Variants in ARHGEF6 observed in about 807,000 individuals in gnomAD.
ARHGEF6 encodes rho guanine nucleotide exchange factor 6.
In ARHGEF6, 9 loss-of-function variants were observed where a neutral mutation model predicts 70.3. The ratio of observed to expected loss-of-function variants is 0.13; its 90% confidence interval spans 0.08 to 0.22. ARHGEF6 has a LOEUF of 0.22. ARHGEF6 is among the 10% of genes least tolerant of loss of function. ARHGEF6 has a pLI of 1.00. For synonymous variants in ARHGEF6, 201 were observed against 207.8 expected (o/e 0.97, Z 0.28); for missense variants, 470 against 563.0 (o/e 0.83, Z 1.67).
chrX:136,774,447 T>C (rs1274151346), intron 2 of ARHGEF6, among the ~76,000 whole-genome samples: 2 of 109,655 alleles, frequency 1.8e-5, no homozygotes, highest in African/African-American at 6.6e-5. Flanking sequence ...GGTCAGGAGC[T>C]TGAGATCAGC....
intron 2 of ARHGEF6, among the ~76,000 whole-genome samples, chrX:136,752,463 T>C (rs140540298): frequency 2.0e-3 from 220 of 112,406 alleles, no homozygotes; most frequent in African/African-American, 7.0e-3. Flanking sequence ...AAAACATCTG[T>C]GCCACGTGCA....
intron 13 of ARHGEF6, 81 bp downstream of exon 13, chrX:136,682,677 C>T: frequency 2.6e-6 from 2 of 763,745 alleles, no homozygotes; most frequent in Non-Finnish European, 4.1e-6. Context: ...GCTTTTAATG[C>T]CATAGTGGAG....
chrX:136,732,956 C>T (rs1051404946), intron 5 of ARHGEF6, among the ~76,000 whole-genome samples: 2 of 111,194 alleles, frequency 1.8e-5, no homozygotes, highest in Admixed American at 9.6e-5. Flanking sequence ...ATGCCAACAA[C>T]AAAATGATCA....
chrX:136,720,359 A>G (rs567866428), intron 6 of ARHGEF6, among the ~76,000 whole-genome samples: 170 of 112,112 alleles, frequency 1.5e-3, no homozygotes, highest in Non-Finnish European at 2.6e-3. Context: ...GTAATCTATC[A>G]CATCAACAGG....
intron 2 of ARHGEF6, among the ~76,000 whole-genome samples, chrX:136,766,156 G>A (rs768341028): frequency 8.9e-6 from 1 of 112,386 alleles, no homozygotes; most frequent in Admixed American, 9.4e-5. Context: ...ACATTTTGGA[G>A]AGAGGTGCTC....
At chrX:136,723,279 C>A (rs1225230689) in intron 6 of ARHGEF6, among the ~76,000 whole-genome samples, 22 of 112,228 alleles carry the variant, frequency 2.0e-4, no homozygotes, top group Admixed American at 9.4e-5. Flanking sequence ...GAATTGCACA[C>A]TTTAAAATGG....
chrX:136,737,511 T>A (rs2076998669), intron 5 of ARHGEF6: 10 of 726,377 alleles, frequency 1.4e-5, no homozygotes, highest in Non-Finnish European at 1.6e-5. Flanking sequence ...TTTTTCAAAC[T>A]CCTTAAAGAC....
intron 6 of ARHGEF6, among the ~76,000 whole-genome samples, chrX:136,727,323 CTTTTTCTTTCTT>C (rs1212211622): frequency 5.4e-4 from 41 of 75,646 alleles, no homozygotes; most frequent in African/African-American, 2.4e-3. Flanking sequence ...TTCTTTCTTT[CTTTTTCTTTCTT>C]TCTTTCTTTC....
intron 18 of ARHGEF6, among the ~76,000 whole-genome samples, chrX:136,675,560 G>A (rs1240863097): frequency 1.8e-5 from 2 of 109,761 alleles, no homozygotes; most frequent in East Asian, 2.8e-4. Context: ...CTCTTGCCCA[G>A]GCTGGAGTGC....
chrX:136,714,472 T>G (rs1408382201), intron 6 of ARHGEF6, among the ~76,000 whole-genome samples: 2 of 112,458 alleles, frequency 1.8e-5, no homozygotes, highest in Non-Finnish European at 3.8e-5. Flanking sequence ...CTTTCATATA[T>G]TCTAATTCAT....
At chrX:136,773,886 C>T (rs2077381476) in intron 2 of ARHGEF6, 1 of 111,643 alleles carries the variant, frequency 9.0e-6, no homozygotes, top group South Asian at 3.7e-4. Context: ...TTACAATATT[C>T]ATATAATGCC....
chrX:136,672,286 TC>T (rs1490270260), intron 19 of ARHGEF6, among the ~76,000 whole-genome samples, 167 bp from the exon 20 acceptor site: 2 of 111,879 alleles, frequency 1.8e-5, no homozygotes, highest in Admixed American at 9.4e-5. Flanking sequence ...GACTAAATTT[TC>T]CTGACATGAG....
chrX:136,734,357 T>C (rs1239978482), intron 5 of ARHGEF6, among the ~76,000 whole-genome samples: 2 of 111,323 alleles, frequency 1.8e-5, no homozygotes, highest in Non-Finnish European at 1.9e-5. Flanking sequence ...AGGATAATAA[T>C]GGAATACTAC....
intron 11 of ARHGEF6, among the ~76,000 whole-genome samples, chrX:136,686,666 G>GTA (rs1163732593): frequency 6.0e-4 from 31 of 51,674 alleles, no homozygotes; most frequent in African/African-American, 1.6e-3. Context: ...ATACACATGT[G>GTA]TATATATATA....
intron 5 of ARHGEF6, among the ~76,000 whole-genome samples, chrX:136,743,001 G>A (rs1056061215): frequency 1.8e-5 from 2 of 110,766 alleles, no homozygotes; most frequent in African/African-American, 6.6e-5. Context: ...GAGAGAGAGA[G>A]AAGAAAAGAC....
intron 19 of ARHGEF6, 50 bp from the exon 20 acceptor site, chrX:136,672,169 G>C: frequency 1.1e-6 from 1 of 951,367 alleles, no homozygotes. Context: ...TACTAGTGAA[G>C]AGTAGAAATA....
intron 2 of ARHGEF6, among the ~76,000 whole-genome samples, chrX:136,771,624 T>C (rs1047608720): frequency 8.9e-6 from 1 of 112,445 alleles, no homozygotes. Flanking sequence ...AACTATATTA[T>C]TCTTAGGAGA....
chrX:136,710,330 C>CATATATAT (rs59532724), intron 7 of ARHGEF6, among the ~76,000 whole-genome samples: 5,153 of 87,365 alleles, frequency 0.059, 178 homozygotes, highest in East Asian at 0.12. Flanking sequence ...ATATATTATA[C>CATATATAT]ATATATATAT....
chrX:136,726,324 A>T (rs375290643), intron 6 of ARHGEF6, among the ~76,000 whole-genome samples: 1 of 111,696 alleles, frequency 9.0e-6, no homozygotes, highest in East Asian at 2.8e-4. Context: ...AGATTCACGA[A>T]CTCCACAGGA....
Sources: allele counts gnomAD v4.1 joint callset (sites outside exome capture counted in the v4.1 genomes callset), GRCh38; gene constraint gnomAD v4.1.1; transcripts MANE v1.5; gene names NCBI Gene and HGNC (gene_info 2026-07-23, HGNC 2026-07-21).